SKI: variants seen among roughly 807,000 people sequenced by gnomAD.
SKI encodes ski oncogene.
A neutral mutation model predicts 59.3 loss-of-function variants in SKI; 23 were observed. The observed-to-expected ratio is 0.39, with a 90% CI of 0.28 to 0.55. The LOEUF (loss-of-function observed/expected upper bound fraction) is 0.55. SKI is among the 20% of genes least tolerant of loss of function. The pLI, the probability that SKI is intolerant of heterozygous loss-of-function variation, is 0.67. For missense variants in SKI, 1,017 were observed against 1,038.9 expected, an observed-to-expected ratio of 0.98 and a Z score of 0.29; for synonymous variants, 673 against 488.6, an observed-to-expected ratio of 1.38 and a Z score of -4.98.
chr1:2,296,113 T>G (rs1268145848), intron 1 of SKI, among the ~76,000 whole-genome samples: 1 of 151,856 alleles, frequency 6.6e-6, no homozygotes, highest in East Asian at 1.9e-4. Context: ...GGCCAGGCGC[T>G]CATGCCTGTA....
Position 2,255,974 on chromosome 1 carries a change from A to C in SKI, c.969+26239A>C, listed in dbSNP as rs1391950315. Among the ~76,000 whole-genome samples the C allele has an allele frequency of 2.2e-5, 3 of 138,922 alleles. No homozygotes were observed. In the South Asian group the frequency reaches 6.9e-4, roughly 32 times the overall value. The allele number at this position is 138,922 out of a possible 152,430, so 91.1% of individuals were successfully genotyped here. A position where few individuals can be genotyped will look rare whatever the true frequency, so the allele number is the denominator to read the frequency against. On this transcript the variant is annotated intron_variant, in intron 1 of 6. Coordinates refer to ENST00000378536, the MANE Select transcript of SKI (RefSeq NM_003036.4). ...CCTGACCTCATTTCCTGTCTGTGCC[A>C]CTCTTTGTCCTGACCTCATTTCCTG... is the stretch of plus-strand genomic sequence containing the variant.
rs557791923 is a variant in SKI at position 2,306,618 on chromosome 1, C to G, written c.2040C>G (p.Asp680Glu). Residue 680 changes from aspartate to glutamate, a missense_variant, in exon 7 of 7, where the codon GAC becomes GAG. Physicochemically the swap from Asp to Glu is conservative, Grantham distance 45. Coordinates refer to ENST00000378536, the MANE Select transcript of SKI (RefSeq NM_003036.4). ...LQVKLQHAEA[D>E]REQLRADLLR... ...TGAAGCTGCAGCACGCGGAGGCGGA[C>G]CGGGAGCAGCTGCGGGCCGACCTGC... 18 of 1,544,756 alleles carry G rather than the reference C, an allele frequency of 1.2e-5. No individual in the cohort carries two copies. The highest frequency in any genetic ancestry group is 1.5e-5 in the Non-Finnish European group (17 of 1,145,542).
intron 1 of SKI, among the ~76,000 whole-genome samples, chr1:2,235,258 G>T (rs1469852257): frequency 6.6e-6 from 1 of 152,144 alleles, no homozygotes; most frequent in African/African-American, 2.4e-5. Flanking sequence ...TGGCCAGCCT[G>T]GTCTCGAACT....
intron 1 of SKI, among the ~76,000 whole-genome samples, chr1:2,299,290 G>A (rs1640364710): frequency 1.3e-5 from 2 of 152,162 alleles, no homozygotes; most frequent in Non-Finnish European, 2.9e-5. Context: ...GCAGCAGCTT[G>A]TGCCCATGTC....
rs1638582306 is a variant in SKI, at chr1:2,229,501, C to T, written c.735C>T (p.Ile245=). ...ELYSSPSAAC[I]QCLDCRLMYP... is the part of the protein sequence containing the mutation. ...ACAGCAGCCCGAGCGCCGCCTGCAT[C>T]CAGTGCCTGGACTGCCGCCTCATGT... The change falls in exon 1 of 7, where the codon ATC becomes ATT. Residue 245 remains isoleucine, a synonymous_variant. Transcript: ENST00000378536. The surrounding 1 kb of genome is among the most constrained non-coding windows in gnomAD (Gnocchi z 6.3). 6.2e-7 allele frequency: 1 copy of T among 1,611,794 alleles called. No homozygotes were observed. Among genetic ancestry groups the T allele is most frequent in the African/African-American group, 1.3e-5 (1 of 74,940 alleles).
At chr1:2,254,576 G>A (rs1490058345) in intron 1 of SKI, among the ~76,000 whole-genome samples, 1 of 152,230 alleles carries the variant, frequency 6.6e-6, no homozygotes. Flanking sequence ...CTTGTGTGCA[G>A]TGACCGGTCT....
chr1:2,288,248 A>T (rs969036998), intron 1 of SKI, among the ~76,000 whole-genome samples: 1 of 151,892 alleles, frequency 6.6e-6, no homozygotes, highest in Non-Finnish European at 1.5e-5. Context: ...CAGCCTCCCA[A>T]ATAGCTGGGA....
At chr1:2,298,833 A>G (rs1640352443) in intron 1 of SKI, among the ~76,000 whole-genome samples, 1 of 152,226 alleles carries the variant, frequency 6.6e-6, no homozygotes, top group South Asian at 2.1e-4. Flanking sequence ...CGCGTGTGCC[A>G]GCTTCCAGGC....
chr1:2,261,348 T>C (rs1343654449), intron 1 of SKI, among the ~76,000 whole-genome samples: 8 of 152,344 alleles, frequency 5.3e-5, no homozygotes, highest in Middle Eastern at 6.8e-3. Context: ...GGGATTGTAT[T>C]GAGTCCATAG....
intron 1 of SKI, among the ~76,000 whole-genome samples, chr1:2,234,505 G>A (rs1039650121): frequency 1.3e-5 from 2 of 152,228 alleles, no homozygotes; most frequent in East Asian, 1.9e-4. Context: ...GTGCGAGGAA[G>A]TCTGGGGTAA....
chr1:2,302,866 G>A (rs1054466664), intron 1 of SKI, 112 bp from the exon 2 acceptor site: 7 of 1,434,242 alleles, frequency 4.9e-6, no homozygotes, highest in African/African-American at 4.2e-5. Flanking sequence ...ACTCAGGGTC[G>A]TTTGTGGCCG....
intron 1 of SKI, among the ~76,000 whole-genome samples, chr1:2,251,152 T>C (rs1164498866): frequency 1.3e-5 from 2 of 152,222 alleles, no homozygotes; most frequent in African/African-American, 4.8e-5. Flanking sequence ...TCCTCCCGCC[T>C]GCCTTCTTGC....
rs116738503 is a variant in SKI at position 2,267,790 on chromosome 1, G to A, written c.970-35188G>A. 0.014 allele frequency among the ~76,000 whole-genome samples: 2,205 copies of A among 152,274 alleles called. 45 individuals are homozygous for A. Among genetic ancestry groups the A allele is most frequent in the African/African-American group, 0.051 (2,112 of 41,542 alleles). On this transcript the variant is annotated intron_variant, in intron 1 of 6. Coordinates refer to ENST00000378536, the MANE Select transcript of SKI (RefSeq NM_003036.4). This position sits in a 1 kb window ranked among gnomAD's most constrained non-coding sequence, Gnocchi z 4.1. The stretch of plus-strand genomic sequence containing the variant: ...CTACTTCCAGACTGTCCCAGGACAC[G>A]GGTCCACGGTCACACGGTCTCCAAA...
Position 2,305,972 on chromosome 1 carries a change from G to A in SKI, c.1768-48G>A. On this transcript the variant is annotated intron_variant, in intron 5 of 6. Coordinates refer to ENST00000378536, the MANE Select transcript of SKI (RefSeq NM_003036.4). Reference sequence around the variant, plus strand: ...AGGACTGCTGGTCATGGTGAGGGGTGTGCTGGGACCGGCTGGGCAGTGACC... The same window carrying A: ...AGGACTGCTGGTCATGGTGAGGGGTATGCTGGGACCGGCTGGGCAGTGACC... 3.6e-6 allele frequency: 5 copies of A among 1,402,432 alleles called. No homozygotes were observed. The Admixed American group carries it at 9.8e-5, about 28-fold the overall frequency. The allele number at this position is 1,402,432 out of a possible 1,614,324, so 86.9% of individuals were successfully genotyped here.
intron 1 of SKI, among the ~76,000 whole-genome samples, chr1:2,235,069 G>A (rs1432274965): frequency 6.6e-6 from 1 of 151,160 alleles, no homozygotes; most frequent in Non-Finnish European, 1.5e-5. Context: ...TTGAGACAGG[G>A]TCTGTTTCTG....
chr1:2,245,126 G>A (rs1024628924), intron 1 of SKI, among the ~76,000 whole-genome samples: 1 of 149,856 alleles, frequency 6.7e-6, no homozygotes, highest in African/African-American at 2.4e-5. Context: ...CCCACCCGCC[G>A]CTTTCTGTTT....
At chr1:2,286,479 A>C (rs998229242) in intron 1 of SKI, among the ~76,000 whole-genome samples, 9 of 152,236 alleles carry the variant, frequency 5.9e-5, no homozygotes, top group Non-Finnish European at 1.2e-4. Context: ...TGGGTGACAG[A>C]GTGAGACCTT....
At chr1:2,301,727 G>C (rs1197423018) in intron 1 of SKI, among the ~76,000 whole-genome samples, 1 of 152,240 alleles carries the variant, frequency 6.6e-6, no homozygotes, top group Non-Finnish European at 1.5e-5. Context: ...CCCTGAGTGT[G>C]CTCTGTCCAC....
intron 1 of SKI, among the ~76,000 whole-genome samples, chr1:2,247,483 A>G (rs1226285620): frequency 2.0e-5 from 3 of 152,166 alleles, no homozygotes; most frequent in Admixed American, 6.5e-5. Flanking sequence ...GCTGAAGATG[A>G]TACTTGCCAC....
Sources: gnomAD v4.1 joint callset for allele counts (sites outside exome capture counted in the v4.1 genomes callset) on GRCh38, gnomAD v4.1.1 for gene constraint, Gnocchi (gnomAD v3.1) non-coding constraint, MANE v1.5 for transcripts, NCBI Gene and HGNC (gene_info 2026-07-23, HGNC 2026-07-21) for gene names.